The following CACNA1C variants were observed in gnomAD, a reference collection of about 807,000 sequenced individuals.
The protein encoded by CACNA1C is calcium voltage-gated channel subunit alpha1 C.
Under a neutral mutation model 229.0 loss-of-function variants are expected in CACNA1C, and 30 were observed. The ratio of observed to expected loss-of-function variants is 0.13; its 90% CI spans 0.10 to 0.18. The LOEUF (loss-of-function observed/expected upper bound fraction) is 0.18, where lower values mean the gene tolerates loss of function less well. Among genes scored for constraint, CACNA1C ranks in the 10% least tolerant of loss-of-function variants. The probability of loss-of-function intolerance (pLI) is 1.00; values close to 1 mark genes in which losing one functional copy is unlikely to be tolerated. For synonymous variants in CACNA1C, 1,114 were observed against 1,132.5 expected, an observed-to-expected ratio of 0.98 and a Z score of 0.33; for missense variants, 1,658 against 2,845.0, an observed-to-expected ratio of 0.58 and a Z score of 9.49.
At position 2,605,137 on chromosome 12, in the gene CACNA1C, T is replaced by G; in HGVS notation, c.3017T>G (p.Leu1006Arg). Residue 1006 changes from leucine (L) to arginine (R), a missense_variant, in exon 23 of 47, where the codon CTG (leucine) becomes CGG (arginine). Leu to Arg is a moderately radical substitution (Grantham distance 102). Transcript: ENST00000399655. This position sits in a 1 kb window ranked among gnomAD's most constrained non-coding sequence, Gnocchi z 6.2. ...CGAGTCCTGCGAGTACTCAGGCCCC[T>G]GAGGGCCATCAACAGGGCCAAGGGG... ...ILRVLRVLRP[L>R]RAINRAKGLK... 1 of 1,613,572 alleles carries G rather than the reference T, an allele frequency of 6.2e-7. No homozygotes were observed. Among genetic ancestry groups the G allele is most frequent in the Non-Finnish European group, 8.5e-7 (1 of 1,179,548 alleles).
intron 1 of CACNA1C, among the ~76,000 whole-genome samples, chr12:2,107,668 T>A (rs2079678286): frequency 6.6e-6 from 1 of 152,260 alleles, no homozygotes; most frequent in Non-Finnish European, 1.5e-5. Context: ...AAAAGGACTT[T>A]TGGTTTCTAC....
intron 3 of CACNA1C, among the ~76,000 whole-genome samples, chr12:2,259,624 A>G (rs1359141425): frequency 6.6e-6 from 1 of 152,178 alleles, no homozygotes; most frequent in African/African-American, 2.4e-5. Context: ...GCCTGTCATT[A>G]TTAGACTAAG....
At chr12:2,159,674 G>A (rs1301812714) in intron 3 of CACNA1C, among the ~76,000 whole-genome samples, 1 of 147,366 alleles carries the variant, frequency 6.8e-6, no homozygotes, top group Non-Finnish European at 1.5e-5. Flanking sequence ...GCATAATCTC[G>A]GCTCACTGCA....
chr12:2,064,428 G>A (rs949585636), intron 1 of CACNA1C, among the ~76,000 whole-genome samples: 9 of 151,878 alleles, frequency 5.9e-5, no homozygotes, highest in Admixed American at 2.0e-4. Flanking sequence ...TGGACTGTGA[G>A]GGGGAGGCAG....
chr12:2,368,807 G>T (rs1282486017), intron 3 of CACNA1C, among the ~76,000 whole-genome samples: 1 of 152,106 alleles, frequency 6.6e-6, no homozygotes, highest in East Asian at 1.9e-4. Flanking sequence ...AAAGGAGAGT[G>T]CTTAGAAAAA....
At chr12:2,071,236 C>T (rs1414466395) in intron 1 of CACNA1C, among the ~76,000 whole-genome samples, 1 of 145,706 alleles carries the variant, frequency 6.9e-6, no homozygotes, top group Non-Finnish European at 1.5e-5. Flanking sequence ...GCTTCCCTTT[C>T]CTTTGACAGG....
chr12:2,501,389 C>G (rs563425214), intron 7 of CACNA1C, among the ~76,000 whole-genome samples: 24 of 152,268 alleles, frequency 1.6e-4, no homozygotes, highest in Middle Eastern at 3.4e-3. Flanking sequence ...GCCTGGGACT[C>G]CCATTCCAGG....
At position 2,688,470 on chromosome 12, in the gene CACNA1C, C is replaced by A; in HGVS notation, c.5808C>A (p.Ser1936Arg). 6.2e-7 allele frequency: 1 copy of A among 1,613,598 alleles called. No individual in the cohort carries two copies. Among genetic ancestry groups the A allele is most frequent in the South Asian group, 1.1e-5 (1 of 91,080 alleles). Reference protein sequence around the residue: ...HHQALAVAGLSPLLQRSHSPA... With the variant: ...HHQALAVAGLRPLLQRSHSPA... ...AGGCATTGGCAGTGGCAGGCCTGAG[C>A]CCCCTCCTCCAGAGAAGCCATTCCC... Residue 1936 changes from serine (S) to arginine (R), a missense_variant, in exon 46 of 47, where the codon AGC becomes AGA. By Grantham distance (110) the Ser-to-Arg change is moderately radical. Coordinates refer to ENST00000399655, the MANE Select transcript of CACNA1C (RefSeq NM_000719.7).
chr12:2,435,527 C>T (rs1222468433), intron 3 of CACNA1C, among the ~76,000 whole-genome samples: 1 of 152,168 alleles, frequency 6.6e-6, no homozygotes, highest in Non-Finnish European at 1.5e-5. Flanking sequence ...CATTTGAATT[C>T]ACATGGTCCG....
At chr12:2,251,231 G>A (rs1241326677) in intron 3 of CACNA1C, among the ~76,000 whole-genome samples, 1 of 152,206 alleles carries the variant, frequency 6.6e-6, no homozygotes, top group Non-Finnish European at 1.5e-5. Context: ...TCATGGGGGT[G>A]AAGGGCAAAG....
At chr12:2,080,272 C>CAAA (rs1555137398) in intron 1 of CACNA1C, among the ~76,000 whole-genome samples, 1 of 150,482 alleles carries the variant, frequency 6.6e-6, no homozygotes, top group Non-Finnish European at 1.5e-5. Flanking sequence ...AAACAAAAAA[C>CAAA]AAAAACAAAA....
chr12:2,173,233 T>A (rs1201779845), intron 3 of CACNA1C, among the ~76,000 whole-genome samples: 6 of 152,184 alleles, frequency 3.9e-5, no homozygotes, highest in African/African-American at 1.2e-4. Flanking sequence ...GAAAGGGTTG[T>A]GGGTCACAGA....
At position 2,207,835 on chromosome 12, in the gene CACNA1C, C is replaced by CAAA. The variant is rs113589726; in HGVS notation, c.477+87411_477+87413dup. On this transcript the variant is annotated intron_variant, in intron 3 of 46. Transcript: ENST00000399655. ...GACCCTGTCTCAAAAACAAAACAAA[C>CAAA]AAAAAAAACCATGAGAAATTGGCTA... Among the ~76,000 whole-genome samples the CAAA allele has an allele frequency of 6.6e-3, 996 of 151,082 alleles. 8 individuals are homozygous for CAAA. The highest frequency in any genetic ancestry group is 0.028 in the South Asian group (134 of 4,758).
chr12:2,094,404 A>G (rs2072866486), intron 1 of CACNA1C, among the ~76,000 whole-genome samples: 1 of 152,174 alleles, frequency 6.6e-6, no homozygotes, highest in South Asian at 2.1e-4. Context: ...TTCAGATTCA[A>G]GTCTTTATCA....
intron 3 of CACNA1C, among the ~76,000 whole-genome samples, chr12:2,277,473 G>C (rs1238042423): frequency 2.0e-5 from 3 of 148,798 alleles, no homozygotes; most frequent in Non-Finnish European, 4.4e-5. Context: ...ATTCTCCATA[G>C]CTGTTTCCCA....
intron 3 of CACNA1C, among the ~76,000 whole-genome samples, chr12:2,293,638 C>T (rs962747663): frequency 1.3e-5 from 2 of 152,228 alleles, no homozygotes; most frequent in South Asian, 4.1e-4. Flanking sequence ...CAATTCTTCT[C>T]CTTCCAATGT....
intron 3 of CACNA1C, among the ~76,000 whole-genome samples, chr12:2,280,254 C>T (rs1330926590): frequency 4.4e-5 from 4 of 90,934 alleles, no homozygotes; most frequent in African/African-American, 7.3e-5. Flanking sequence ...TGCTGTGCTT[C>T]GGTTTAACCT....
chr12:2,359,479 G>A (rs766899038), intron 3 of CACNA1C, among the ~76,000 whole-genome samples: 27 of 151,858 alleles, frequency 1.8e-4, no homozygotes, highest in African/African-American at 4.6e-4. Flanking sequence ...CTGTGATGCT[G>A]CAGGGAGGTT....
chr12:2,681,929 G>T, intron 42 of CACNA1C: 2 of 1,373,564 alleles, frequency 1.5e-6, no homozygotes, highest in South Asian at 1.2e-5. Flanking sequence ...AGCTAAAGAT[G>T]ACCTGACCCT....
Sources: gnomAD v4.1 joint callset for allele counts (sites outside exome capture counted in the v4.1 genomes callset) on GRCh38, gnomAD v4.1.1 for gene constraint, Gnocchi (gnomAD v3.1) non-coding constraint, MANE v1.5 for transcripts, NCBI Gene and HGNC (gene_info 2026-07-23, HGNC 2026-07-21) for gene names.